Variants in B4GALNT2 observed in about 807,000 individuals in gnomAD.
B4GALNT2 encodes beta-1,4-N-acetyl-galactosaminyltransferase 2 (SID blood group), also known as N-acetylneuraminylgalactosylglucosyl-glucoside beta-1,4-N- acetylgalactosaminyltransferase 2.
B4GALNT2 carries 42 observed loss-of-function variants against 51.1 expected under a neutral mutation model. The ratio of observed to expected loss-of-function variants is 0.82; its 90% CI spans 0.64 to 1.06. The LOEUF is 1.06. Among genes scored for constraint, B4GALNT2 ranks in the 50% least tolerant of loss-of-function variants. The pLI, the probability that B4GALNT2 is intolerant of heterozygous loss-of-function variation, is 0.00. For missense variants in B4GALNT2, 602 were observed against 633.6 expected (o/e 0.95, Z 0.54); for synonymous variants, 253 against 251.7 (o/e 1.01, Z -0.05).
At chr17:49,130,189 G>A (rs761131115), upstream of B4GALNT2, among the ~76,000 whole-genome samples, 11 of 152,382 alleles carry the variant, frequency 7.2e-5, no homozygotes, top group Non-Finnish European at 1.6e-4. Flanking sequence ...TGTGAAGCAA[G>A]AGTTATGCCT....
chr17:49,142,974 C>T (rs529452550), intron 3 of B4GALNT2, among the ~76,000 whole-genome samples: 5 of 152,214 alleles, frequency 3.3e-5, no homozygotes, highest in East Asian at 3.9e-4. Flanking sequence ...TTTGGCTGGG[C>T]GCGGTGGCTC....
intron 9 of B4GALNT2, among the ~76,000 whole-genome samples, chr17:49,167,351 G>A (rs1464145678): frequency 1.3e-5 from 2 of 152,202 alleles, no homozygotes; most frequent in South Asian, 2.1e-4. Context: ...TTCTCGCATC[G>A]GTTCTAAATC....
At chr17:49,136,345 C>T (rs2042590027) in intron 1 of B4GALNT2, among the ~76,000 whole-genome samples, 1 of 151,660 alleles carries the variant, frequency 6.6e-6, no homozygotes, top group Non-Finnish European at 1.5e-5. Flanking sequence ...GAAACATGTT[C>T]ATTTAATAGT....
chr17:49,164,397 G>A, intron 8 of B4GALNT2, 122 bp downstream of exon 8: 1 of 860,536 alleles, frequency 1.2e-6, no homozygotes, highest in Admixed American at 2.4e-5. Context: ...GTCCAGGAGT[G>A]GGAGTGGGTG....
chr17:49,147,838 G>GTT (rs2042710056), intron 3 of B4GALNT2, among the ~76,000 whole-genome samples: 1 of 144,630 alleles, frequency 6.9e-6, no homozygotes, highest in Non-Finnish European at 1.5e-5. Flanking sequence ...ATACATGTAT[G>GTT]TTATATATAT....
intron 4 of B4GALNT2, among the ~76,000 whole-genome samples, chr17:49,153,209 G>A (rs945227019): frequency 6.6e-6 from 1 of 152,132 alleles, no homozygotes; most frequent in Non-Finnish European, 1.5e-5. Context: ...GAGCTCAGGA[G>A]TTTGAGACCA....
rs1033663155 is a variant in B4GALNT2, at chr17:49,175,834, A to G, written c.*6106A>G. 3.9e-5 allele frequency: 6 copies of G among 152,188 alleles called. No individual in the cohort carries two copies. Among genetic ancestry groups the G allele is most frequent in the African/African-American group, 1.4e-4 (6 of 41,434 alleles). 9.4% of individuals were successfully genotyped at this position (152,188 alleles called of 1,614,324 possible). On this transcript the variant is annotated 3_prime_UTR_variant, in exon 11 of 11. Coordinates refer to ENST00000393354, the MANE Select transcript of B4GALNT2 (RefSeq NM_001159387.2). ...CTTTTCACCCAGTGTCCTCTGGAAAAGAAAGATCTGTAGGGTCAGGTCACT... is the reference window on the plus strand; with the variant it reads ...CTTTTCACCCAGTGTCCTCTGGAAAGGAAAGATCTGTAGGGTCAGGTCACT...
rs2042948900 is a variant in B4GALNT2, at chr17:49,170,198, C to T, written c.*470C>T. The T allele has an allele frequency of 6.5e-6, 1 of 153,254 alleles. No homozygotes were observed. The highest frequency in any genetic ancestry group is 1.5e-5 in the Non-Finnish European group (1 of 68,674). 9.5% of individuals were successfully genotyped at this position (153,254 alleles called of 1,614,324 possible). ...CAAAAAATGTGAACATTCCAGGGTC[C>T]TTGCCTTGAGGAGGTTTGCAGCCTG... On this transcript the variant is annotated 3_prime_UTR_variant, in exon 11 of 11. Transcript: ENST00000393354.
At position 49,168,692 on chromosome 17, in the gene B4GALNT2, T is replaced by G; in HGVS notation, c.1107T>G (p.Ser369Arg). The change falls in exon 10 of 11, where the codon AGT (serine) becomes AGG (arginine). Residue 369 changes from serine (S) to arginine (R), a missense_variant. Coordinates refer to ENST00000393354, the MANE Select transcript of B4GALNT2 (RefSeq NM_001159387.2). ...TGCCTGCTGGCTAGGTAGGCGGCAGTGTGCTGGGAAATGTGTTCCAGTTTA... is the reference window on the plus strand; with the variant it reads ...TGCCTGCTGGCTAGGTAGGCGGCAGGGTGCTGGGAAATGTGTTCCAGTTTA... ...EKTELDVVGG[S>R]VLGNVFQFKL... 2 of 1,613,588 alleles carry G rather than the reference T, an allele frequency of 1.2e-6. No homozygotes were observed. Among genetic ancestry groups the G allele is most frequent in the African/African-American group, 2.7e-5 (2 of 75,032 alleles).
intron 10 of B4GALNT2, among the ~76,000 whole-genome samples, 164 bp from the exon 11 acceptor site, chr17:49,169,359 C>T (rs955690754): frequency 1.3e-5 from 2 of 152,178 alleles, no homozygotes; most frequent in African/African-American, 2.4e-5. Flanking sequence ...AACTCATCAG[C>T]AGGGACAGGC....
intron 3 of B4GALNT2, among the ~76,000 whole-genome samples, chr17:49,147,966 T>TTATATATA (rs140831657): frequency 0.014 from 2,008 of 147,682 alleles, 41 homozygotes; most frequent in African/African-American, 0.047. Flanking sequence ...TTTTATTCAA[T>TTATATATA]TATATATATA....
intron 1 of B4GALNT2, chr17:49,133,242 G>T: frequency 6.8e-7 from 1 of 1,468,900 alleles, no homozygotes. Context: ...CCGGGCGCGG[G>T]GACTGCGGGC....
chr17:49,156,203 C>T (rs2042808586), intron 4 of B4GALNT2, among the ~76,000 whole-genome samples: 1 of 152,160 alleles, frequency 6.6e-6, no homozygotes, highest in Admixed American at 6.6e-5. Flanking sequence ...AACCACCGTT[C>T]TGCTTTCTGT....
At chr17:49,133,330 C>G in intron 1 of B4GALNT2, 3 of 1,308,798 alleles carry the variant, frequency 2.3e-6, no homozygotes, top group Non-Finnish European at 3.0e-6. Context: ...GTTTTCAAAT[C>G]CAGGCGCCCA....
chr17:49,152,976 G>A, intron 4 of B4GALNT2, 70 bp downstream of exon 4: 2 of 1,361,134 alleles, frequency 1.5e-6, no homozygotes, highest in Non-Finnish European at 1.0e-6. Context: ...GGAGGGAGAG[G>A]TCGGGTGCAG....
chr17:49,131,512 C>T (rs7220254), upstream of B4GALNT2, among the ~76,000 whole-genome samples: 76,234 of 142,076 alleles, frequency 0.54, 20,632 homozygotes, highest in Middle Eastern at 0.64. Context: ...TCTTTTTTTC[C>T]CTTTTTTTGA....
rs1344262528 is a variant in B4GALNT2 at position 49,168,800 on chromosome 17, C to A, written c.1215C>A (p.Ser405Arg). ...GFFQPLDGFP[S>R]CVVTSGVVNF... ...TCCAACCCCTGGATGGCTTCCCCAG[C>A]TGCGTGGTGACCAGTGGCGTGGTCA... The change falls in exon 10 of 11, where the codon AGC becomes AGA. Residue 405 changes from serine (S) to arginine (R), a missense_variant. Transcript: ENST00000393354. The A allele has an allele frequency of 2.5e-6, 4 of 1,614,072 alleles. No individual in the cohort carries two copies. The highest frequency in any genetic ancestry group is 3.4e-6 in the Non-Finnish European group (4 of 1,180,028).
chr17:49,126,168 G>C, the B4GALNT2 span, among the ~76,000 whole-genome samples: 2 of 152,246 alleles, frequency 1.3e-5, no homozygotes, highest in South Asian at 2.1e-4. Flanking sequence ...AAAATTCTTC[G>C]GCCTTGGGAT....
At chr17:49,134,416 T>C (rs2042571439) in intron 1 of B4GALNT2, among the ~76,000 whole-genome samples, 2 of 152,202 alleles carry the variant, frequency 1.3e-5, no homozygotes, top group African/African-American at 4.8e-5. Context: ...ATTATTATCA[T>C]TATTTTGAGA....
Sources: allele counts gnomAD v4.1 joint callset (sites outside exome capture counted in the v4.1 genomes callset), GRCh38; gene constraint gnomAD v4.1.1; transcripts MANE v1.5; gene names NCBI Gene and HGNC (gene_info 2026-07-23, HGNC 2026-07-21).